Variants in ABCC4 observed in about 807,000 individuals in gnomAD.
ABCC4 encodes the protein ATP-binding cassette sub-family C member 4.
A neutral mutation model predicts 168.5 loss-of-function variants in ABCC4; 102 were observed. The ratio of observed to expected loss-of-function variants is 0.61; its 90% CI spans 0.52 to 0.71. ABCC4 has a LOEUF of 0.71. Among genes scored for constraint, ABCC4 ranks in the 30% least tolerant of loss-of-function variants. ABCC4 has a pLI of 0.00. For synonymous variants in ABCC4, 617 were observed against 590.7 expected, an observed-to-expected ratio of 1.04 and a Z score of -0.65; for missense variants, 1,402 against 1,605.8, an observed-to-expected ratio of 0.87 and a Z score of 2.17.
At chr13:95,033,309 ATAC>A (rs1459375165) in intron 30 of ABCC4, among the ~76,000 whole-genome samples, 4 of 152,142 alleles carry the variant, frequency 2.6e-5, no homozygotes. Flanking sequence ...TACCCATATT[ATAC>A]TGCCTATGGA....
chr13:95,142,745 A>C (rs2036362619), intron 19 of ABCC4, among the ~76,000 whole-genome samples: 2 of 152,328 alleles, frequency 1.3e-5, no homozygotes, highest in South Asian at 2.1e-4. Context: ...AAAGGGTATG[A>C]GTAAAAATCA....
At chr13:95,171,059 C>T (rs1337893380) in intron 13 of ABCC4, among the ~76,000 whole-genome samples, 3 of 148,182 alleles carry the variant, frequency 2.0e-5, no homozygotes, top group African/African-American at 7.5e-5. Flanking sequence ...GCCCCCCCTC[C>T]ACCCCCCGCA....
intron 20 of ABCC4, among the ~76,000 whole-genome samples, chr13:95,113,817 A>C (rs1392902402): frequency 6.6e-6 from 1 of 152,178 alleles, no homozygotes; most frequent in Non-Finnish European, 1.5e-5. Flanking sequence ...ACCACGTTTC[A>C]CTTGATTCTT....
At chr13:95,195,910 A>G (rs2038401773) in intron 8 of ABCC4, among the ~76,000 whole-genome samples, 1 of 152,172 alleles carries the variant, frequency 6.6e-6, no homozygotes, top group Non-Finnish European at 1.5e-5. Context: ...CTGGGTTTAC[A>G]GGCATAAGCC....
At chr13:95,115,321 A>C (rs1047024293) in intron 20 of ABCC4, among the ~76,000 whole-genome samples, 5 of 151,626 alleles carry the variant, frequency 3.3e-5, no homozygotes, top group Non-Finnish European at 7.4e-5. Context: ...TCAACGTGTG[A>C]AAACAAAAAA....
intron 25 of ABCC4, 115 bp from the exon 26 acceptor site, chr13:95,062,974 G>C (rs575778024): frequency 7.4e-6 from 9 of 1,220,650 alleles, no homozygotes; most frequent in Non-Finnish European, 1.0e-5. Flanking sequence ...ATTCTATATT[G>C]AGTGTAGTCT....
Position 95,218,913 on chromosome 13 carries a change from GAGAGAGAAAGAA to G in ABCC4, c.532-8144_532-8133del. Among the ~76,000 whole-genome samples, 2 of 7,896 alleles carry G rather than the reference GAGAGAGAAAGAA, an allele frequency of 2.5e-4. 1 individual carries two copies. Among genetic ancestry groups the G allele is most frequent in the East Asian group, 4.1e-3 (2 of 488 alleles). 5.2% of individuals were successfully genotyped at this position (7,896 alleles called of 152,430 possible). On this transcript the variant is annotated intron_variant, in intron 4 of 30. Transcript: ENST00000645237. Reference sequence around the variant, plus strand: ...CAGATGAGAGAGAGAGAAAGAGAGAGAGAGAGAAAGAAAGAGAAAGAAAGAAAGAAAGAAAGA... The same window carrying G: ...CAGATGAGAGAGAGAGAAAGAGAGAGAGAGAAAGAAAGAAAGAAAGAAAGA...
intron 20 of ABCC4, among the ~76,000 whole-genome samples, chr13:95,107,374 T>C (rs1041848029): frequency 6.6e-6 from 1 of 152,248 alleles, no homozygotes; most frequent in African/African-American, 2.4e-5. Flanking sequence ...CTGTGTACTG[T>C]ATATGTTTAT....
intron 20 of ABCC4, among the ~76,000 whole-genome samples, chr13:95,083,893 G>A (rs774161332): frequency 6.6e-6 from 1 of 152,100 alleles, no homozygotes; most frequent in Non-Finnish European, 1.5e-5. Flanking sequence ...TTTAATGGAT[G>A]AGAAAACTGA....
intron 19 of ABCC4, among the ~76,000 whole-genome samples, chr13:95,158,645 T>G (rs1329708864): frequency 6.6e-6 from 1 of 152,166 alleles, no homozygotes; most frequent in Non-Finnish European, 1.5e-5. Flanking sequence ...TCTACCCCAC[T>G]CAAAGAACAC....
rs373208842 is a variant in ABCC4 at position 95,289,964 on chromosome 13, C to T, written c.74+11277G>A. Among the ~76,000 whole-genome samples, 5 of 152,032 alleles carry T rather than the reference C, an allele frequency of 3.3e-5. No individual in the cohort carries two copies. In the East Asian group the frequency reaches 7.8e-4, roughly 24 times the overall value. ...ATACAAAATTAGCCAGGCATGGTAG[C>T]GCATGCCTATAATCCCAGCTACTCA... is the stretch of plus-strand genomic sequence containing the variant. On this transcript the variant is annotated intron_variant, in intron 1 of 30. Transcript: ENST00000645237.
intron 21 of ABCC4, among the ~76,000 whole-genome samples, chr13:95,077,969 T>C (rs912216392): frequency 1.3e-5 from 2 of 152,146 alleles, no homozygotes; most frequent in Non-Finnish European, 1.5e-5. Context: ...TCTGAGAAAG[T>C]GGGAAGCCCT....
At position 95,129,890 on chromosome 13, in the gene ABCC4, C is replaced by T. The variant is rs186203209; in HGVS notation, c.2456-13889G>A. ...AGGAGTTGGAGACCAGCCTGGCCAA[C>T]GTGGTGAAACCCTCTCTCCACTAAA... On this transcript the variant is annotated intron_variant, in intron 19 of 30. Coordinates refer to ENST00000645237, the MANE Select transcript of ABCC4 (RefSeq NM_005845.5). Among the ~76,000 whole-genome samples the T allele has an allele frequency of 2.7e-3, 409 of 152,136 alleles. 2 individuals carry two copies. The highest frequency in any genetic ancestry group is 9.5e-3 in the African/African-American group (393 of 41,506).
Position 95,110,379 on chromosome 13 carries a change from A to G in ABCC4, c.2535+5543T>C, listed in dbSNP as rs940418707. Among the ~76,000 whole-genome samples, 10 of 152,122 alleles carry G rather than the reference A, an allele frequency of 6.6e-5. 1 individual carries two copies. The highest frequency in any genetic ancestry group is 1.2e-4 in the Non-Finnish European group (8 of 68,026). On this transcript the variant is annotated intron_variant, in intron 20 of 30. Transcript: ENST00000645237. ...TATTTTCACAAGTCACATATTTGTA[A>G]TAGAAATGTTTTCCTTTTGGGAGAA...
intron 19 of ABCC4, among the ~76,000 whole-genome samples, chr13:95,129,064 T>C (rs1378067760): frequency 6.6e-6 from 1 of 152,218 alleles, no homozygotes; most frequent in Non-Finnish European, 1.5e-5. Flanking sequence ...TGGCACTTCA[T>C]TGTAGATTTG....
chr13:95,099,338 GGT>G (rs1373337198), intron 20 of ABCC4, among the ~76,000 whole-genome samples: 1 of 152,078 alleles, frequency 6.6e-6, no homozygotes, highest in East Asian at 1.9e-4. Flanking sequence ...GAGGTGTAGA[GGT>G]GTGAAAATTG....
intron 30 of ABCC4, among the ~76,000 whole-genome samples, chr13:95,027,398 T>G (rs2031602512): frequency 6.6e-6 from 1 of 152,204 alleles, no homozygotes; most frequent in Non-Finnish European, 1.5e-5. Flanking sequence ...GAAAGATACA[T>G]GTTATTTTTC....
chr13:95,112,914 T>C (rs981920183), intron 20 of ABCC4, among the ~76,000 whole-genome samples: 1 of 152,200 alleles, frequency 6.6e-6, no homozygotes, highest in Non-Finnish European at 1.5e-5. Context: ...AAGCATGTTT[T>C]GCTAAGGATG....
At position 95,283,277 on chromosome 13, in the gene ABCC4, C is replaced by T. The variant is rs116832809; in HGVS notation, c.74+17964G>A. 8.8e-3 allele frequency among the ~76,000 whole-genome samples: 1,330 copies of T among 150,660 alleles called. 20 individuals carry two copies. The highest frequency in any genetic ancestry group is 0.03 in the African/African-American group (1,248 of 41,056). Reference sequence around the variant, plus strand: ...GCAGTGGGTCTCAAACATCAGCATGCATCAGAATCACTTGGAGGACTGATT... The same window carrying T: ...GCAGTGGGTCTCAAACATCAGCATGTATCAGAATCACTTGGAGGACTGATT... On this transcript the variant is annotated intron_variant, in intron 1 of 30. Transcript: ENST00000645237.
Sources: gnomAD v4.1 joint callset for allele counts (sites outside exome capture counted in the v4.1 genomes callset) on GRCh38, gnomAD v4.1.1 for gene constraint, MANE v1.5 for transcripts, NCBI Gene and HGNC (gene_info 2026-07-23, HGNC 2026-07-21) for gene names.